Variants in OSBPL10 observed in about 807,000 individuals in gnomAD.
The protein encoded by OSBPL10 is oxysterol-binding protein-related protein 10.
Under a neutral mutation model 81.7 loss-of-function variants are expected in OSBPL10, and 49 were observed. The ratio of observed to expected loss-of-function variants is 0.60; its 90% CI spans 0.48 to 0.76. The LOEUF (loss-of-function observed/expected upper bound fraction) is 0.76, where lower values mean the gene tolerates loss of function less well. Ranked by LOEUF, OSBPL10 falls within the 30% of genes least tolerant of loss-of-function variation. OSBPL10 has a pLI of 0.00. For missense variants in OSBPL10, 923 were observed against 987.8 expected (o/e 0.93, Z 0.88); for synonymous variants, 419 against 383.6 (o/e 1.09, Z -1.08).
chr3:31,853,056 TG>T (rs1466063377), intron 3 of OSBPL10, among the ~76,000 whole-genome samples: 1 of 152,124 alleles, frequency 6.6e-6, no homozygotes, highest in Non-Finnish European at 1.5e-5. Flanking sequence ...TTTTTTCACA[TG>T]AAAAAGAGTT....
At chr3:31,817,086 A>T (rs1304395080) in intron 4 of OSBPL10, among the ~76,000 whole-genome samples, 1 of 151,988 alleles carries the variant, frequency 6.6e-6, no homozygotes, top group Non-Finnish European at 1.5e-5. Flanking sequence ...TGGACCTCAG[A>T]GGGGAGAAAG....
chr3:31,821,065 G>A (rs1699973089), intron 4 of OSBPL10, among the ~76,000 whole-genome samples: 1 of 152,086 alleles, frequency 6.6e-6, no homozygotes, highest in African/African-American at 2.4e-5. Flanking sequence ...AAAAGAGCCT[G>A]GTGAGAGAAT....
chr3:31,822,554 T>G (rs990037733), intron 4 of OSBPL10, among the ~76,000 whole-genome samples: 3 of 152,160 alleles, frequency 2.0e-5, no homozygotes, highest in Non-Finnish European at 4.4e-5. Flanking sequence ...CTTGTACCAA[T>G]TGAACTTGTG....
At chr3:31,995,272 G>A (rs375415567) in intron 2 of OSBPL10, among the ~76,000 whole-genome samples, 84 of 152,248 alleles carry the variant, frequency 5.5e-4, no homozygotes, top group Admixed American at 4.1e-3. Context: ...AGACCAGGGC[G>A]TATCTCAGTC....
At chr3:31,678,057 C>T (rs1338615736) in intron 8 of OSBPL10, among the ~76,000 whole-genome samples, 18 of 134,746 alleles carry the variant, frequency 1.3e-4, no homozygotes, top group Admixed American at 2.3e-4. Flanking sequence ...GTCCGCAGTC[C>T]GGCCTGGGCG....
intron 1 of OSBPL10, among the ~76,000 whole-genome samples, chr3:32,068,254 C>T (rs1041040837): frequency 7.2e-5 from 11 of 152,280 alleles, no homozygotes; most frequent in East Asian, 3.9e-4. Flanking sequence ...TTAATCACTG[C>T]GGGGACCCCT....
chr3:31,829,241 C>T (rs1260601221), intron 4 of OSBPL10, among the ~76,000 whole-genome samples: 1 of 152,176 alleles, frequency 6.6e-6, no homozygotes, highest in Non-Finnish European at 1.5e-5. Context: ...CAAAAAACCT[C>T]AGCACTCAAA....
upstream of OSBPL10, among the ~76,000 whole-genome samples, chr3:31,984,040 T>C (rs1013004747): frequency 1.3e-5 from 2 of 151,924 alleles, no homozygotes; most frequent in African/African-American, 4.8e-5. Context: ...TTGTTTTTGT[T>C]TTTGTTTTTG....
intron 1 of OSBPL10, among the ~76,000 whole-genome samples, chr3:31,945,120 G>A (rs945849910): frequency 3.6e-5 from 5 of 137,336 alleles, no homozygotes; most frequent in Admixed American, 7.8e-5. Flanking sequence ...CACTACACTC[G>A]AGCCTGGCGA....
intron 2 of OSBPL10, among the ~76,000 whole-genome samples, chr3:32,015,973 T>C (rs1699310263): frequency 6.6e-6 from 1 of 152,124 alleles, no homozygotes. Flanking sequence ...TGTGGAGAAA[T>C]AGGAACACTT....
In OSBPL10 at chr3:31,981,072, C is replaced by A. The variant is rs1698827437; in HGVS notation, c.108G>T (p.Ala36=). 1 of 1,491,086 alleles carries A rather than the reference C, an allele frequency of 6.7e-7. No homozygotes were observed. 92.4% of individuals were successfully genotyped at this position (1,491,086 alleles called of 1,614,324 possible). A position where few individuals can be genotyped will look rare whatever the true frequency, so the allele number is the denominator to read the frequency against. Residue 36 remains alanine, a synonymous_variant, in exon 1 of 12, where the codon GCG becomes GCT. Coordinates refer to ENST00000396556, the MANE Select transcript of OSBPL10 (RefSeq NM_017784.5). The surrounding 1 kb of genome is among the most constrained non-coding windows in gnomAD (Gnocchi z 4.5). The part of the protein sequence containing the change: ...SAGSSPSCSL[A]GRGVSSRSAA... ...CCGACCGGCTGGAGACCCCCCGGCCCGCCAGAGAGCAGGAGGGCGAGGAGC... is the reference window on the plus strand; with the variant it reads ...CCGACCGGCTGGAGACCCCCCGGCCAGCCAGAGAGCAGGAGGGCGAGGAGC...
chr3:31,942,577 A>AT (rs948058339), intron 1 of OSBPL10, among the ~76,000 whole-genome samples: 58 of 150,074 alleles, frequency 3.9e-4, no homozygotes, highest in African/African-American at 1.3e-3. Context: ...CCTCTTATAC[A>AT]TTTTTTTTAA....
intron 1 of OSBPL10, among the ~76,000 whole-genome samples, chr3:31,899,996 T>A (rs908506132): frequency 2.2e-4 from 33 of 152,056 alleles, no homozygotes; most frequent in African/African-American, 7.7e-4. Flanking sequence ...AACTGCATAT[T>A]TATTTACAAA....
At chr3:32,012,641 G>T (rs9810706) in intron 2 of OSBPL10, among the ~76,000 whole-genome samples, 5 of 152,112 alleles carry the variant, frequency 3.3e-5, no homozygotes, top group African/African-American at 1.2e-4. Context: ...AAAAGACACA[G>T]ACTGGCAAAT....
At chr3:31,895,233 G>A (rs565951751) in intron 1 of OSBPL10, among the ~76,000 whole-genome samples, 7 of 147,480 alleles carry the variant, frequency 4.7e-5, no homozygotes, top group African/African-American at 1.0e-4. Context: ...CCGGGTTGAC[G>A]CCATTCTCCT....
At chr3:31,872,530 A>G (rs1379283773) in intron 3 of OSBPL10, among the ~76,000 whole-genome samples, 4 of 151,690 alleles carry the variant, frequency 2.6e-5, no homozygotes, top group African/African-American at 9.7e-5. Flanking sequence ...GAATATTAAG[A>G]ACAAAAAGTA....
At chr3:31,954,382 T>C (rs111298221) in intron 1 of OSBPL10, among the ~76,000 whole-genome samples, 14 of 152,252 alleles carry the variant, frequency 9.2e-5, no homozygotes, top group African/African-American at 3.4e-4. Context: ...GGAGGGCTTC[T>C]GGTTCTTTCT....
intron 4 of OSBPL10, among the ~76,000 whole-genome samples, chr3:31,805,639 C>CT (rs1559472739): frequency 6.6e-6 from 1 of 152,204 alleles, no homozygotes; most frequent in Non-Finnish European, 1.5e-5. Context: ...ACACAAAATA[C>CT]AAAGCACCTT....
chr3:31,699,868 G>C (rs1468499427), intron 7 of OSBPL10, among the ~76,000 whole-genome samples: 2 of 152,212 alleles, frequency 1.3e-5, no homozygotes, highest in Non-Finnish European at 1.5e-5. Context: ...AGGTGAAGAA[G>C]ATTTTCTCTC....
Sources: allele counts gnomAD v4.1 joint callset (sites outside exome capture counted in the v4.1 genomes callset), GRCh38; gene constraint gnomAD v4.1.1; non-coding constraint Gnocchi (gnomAD v3.1); transcripts MANE v1.5; gene names NCBI Gene and HGNC (gene_info 2026-07-23, HGNC 2026-07-21).